The following ZBTB20 variants were observed in gnomAD, a reference collection of about 807,000 sequenced individuals.
ZBTB20 encodes zinc finger and BTB domain containing 20.
Under a neutral mutation model 56.9 loss-of-function variants are expected in ZBTB20, and 9 were observed. The ratio of observed to expected loss-of-function variants is 0.16; its 90% confidence interval spans 0.10 to 0.28. ZBTB20 has a LOEUF of 0.28. Among genes scored for constraint, ZBTB20 ranks in the 10% least tolerant of loss-of-function variants. The probability of loss-of-function intolerance (pLI) is 1.00; values close to 1 mark genes in which losing one functional copy is unlikely to be tolerated. For missense variants in ZBTB20, 655 were observed against 1,003.0 expected, an observed-to-expected ratio of 0.65 and a Z score of 4.69; for synonymous variants, 417 against 420.7, an observed-to-expected ratio of 0.99 and a Z score of 0.11.
chr3:114,800,269 T>C (rs1423133287), intron 5 of ZBTB20, among the ~76,000 whole-genome samples: 4 of 151,918 alleles, frequency 2.6e-5, no homozygotes, highest in African/African-American at 4.8e-5. Context: ...TGCTTTTCTT[T>C]TTTTTCTTCA....
chr3:115,137,817 A>G (rs745959253), intron 1 of ZBTB20, among the ~76,000 whole-genome samples: 14 of 152,132 alleles, frequency 9.2e-5, no homozygotes, highest in Non-Finnish European at 1.8e-4. Context: ...TTCCTAGAAC[A>G]GTGATTTCCA....
chr3:114,795,373 C>T (rs1356707225), intron 5 of ZBTB20, among the ~76,000 whole-genome samples: 1 of 152,098 alleles, frequency 6.6e-6, no homozygotes, highest in South Asian at 2.1e-4. Context: ...ATTAAAATTC[C>T]TCACTCTGGC....
At chr3:114,884,811 G>A (rs2076541788) in intron 4 of ZBTB20, among the ~76,000 whole-genome samples, 1 of 152,092 alleles carries the variant, frequency 6.6e-6, no homozygotes, top group Non-Finnish European at 1.5e-5. Context: ...ATACAGAAAA[G>A]GAGGAAAAGG....
At chr3:114,537,187 C>T (rs1041561514) in intron 6 of ZBTB20, among the ~76,000 whole-genome samples, 1 of 152,148 alleles carries the variant, frequency 6.6e-6, no homozygotes, top group African/African-American at 2.4e-5. Context: ...AAACTATCAT[C>T]AGAGTGAACA....
intron 7 of ZBTB20, among the ~76,000 whole-genome samples, chr3:114,437,404 A>G (rs2090593934): frequency 6.6e-6 from 1 of 152,138 alleles, no homozygotes; most frequent in Admixed American, 6.5e-5. Flanking sequence ...TTAAACTCAC[A>G]AAGACTATCT....
At chr3:115,118,507 C>T (rs1460257291) in intron 1 of ZBTB20, among the ~76,000 whole-genome samples, 1 of 151,960 alleles carries the variant, frequency 6.6e-6, no homozygotes, top group African/African-American at 2.4e-5. Context: ...CTAGGTCAAC[C>T]AGCGCACTTA....
chr3:114,709,408 T>C (rs189339371), intron 5 of ZBTB20, among the ~76,000 whole-genome samples: 34 of 152,188 alleles, frequency 2.2e-4, no homozygotes, highest in Non-Finnish European at 3.8e-4. Context: ...TTCCAAGTTA[T>C]AAAACAGAGA....
intron 6 of ZBTB20, among the ~76,000 whole-genome samples, chr3:114,610,781 C>T (rs1176989831): frequency 2.0e-5 from 3 of 152,156 alleles, no homozygotes; most frequent in South Asian, 2.1e-4. Flanking sequence ...AAAGCTTGGT[C>T]CTATCTAGAA....
intron 5 of ZBTB20, among the ~76,000 whole-genome samples, chr3:114,705,528 T>C (rs914013842): frequency 6.6e-6 from 1 of 151,964 alleles, no homozygotes; most frequent in Non-Finnish European, 1.5e-5. Context: ...AAAGGGAAAA[T>C]AGCAAAAGGA....
chr3:115,038,001 C>T (rs1051909765), intron 2 of ZBTB20, among the ~76,000 whole-genome samples: 1 of 152,174 alleles, frequency 6.6e-6, no homozygotes, highest in South Asian at 2.1e-4. Flanking sequence ...ATTATCCTTA[C>T]AATAGAAAAC....
At chr3:114,688,921 A>T (rs2062524494) in intron 6 of ZBTB20, among the ~76,000 whole-genome samples, 1 of 152,184 alleles carries the variant, frequency 6.6e-6, no homozygotes. Context: ...TTCTCTATGG[A>T]GCCTAGCATA....
At chr3:114,414,060 T>C (rs2088259692) in intron 7 of ZBTB20, among the ~76,000 whole-genome samples, 1 of 152,154 alleles carries the variant, frequency 6.6e-6, no homozygotes, top group Non-Finnish European at 1.5e-5. Flanking sequence ...TCTATGGCTT[T>C]ACATTAAAGA....
chr3:114,602,823 C>T (rs1047743900), intron 6 of ZBTB20, among the ~76,000 whole-genome samples: 63 of 152,014 alleles, frequency 4.1e-4, no homozygotes, highest in Admixed American at 3.0e-3. Context: ...ATGTCACGGA[C>T]GAATTTTCTA....
At chr3:115,067,365 C>T (rs1028293069) in intron 2 of ZBTB20, among the ~76,000 whole-genome samples, 2 of 151,848 alleles carry the variant, frequency 1.3e-5, no homozygotes, top group Non-Finnish European at 2.9e-5. Flanking sequence ...TATAGTTGAT[C>T]GAGTTAGTCA....
chr3:114,989,714 T>C (rs568368900), intron 2 of ZBTB20, among the ~76,000 whole-genome samples: 1 of 152,320 alleles, frequency 6.6e-6, no homozygotes, highest in South Asian at 2.1e-4. Context: ...TTTCATGATA[T>C]TGATTCTTCC....
intron 1 of ZBTB20, among the ~76,000 whole-genome samples, chr3:115,139,389 G>C (rs1198829673): frequency 6.6e-6 from 1 of 151,918 alleles, no homozygotes; most frequent in African/African-American, 2.4e-5. Context: ...TATCAAGTAG[G>C]TATATAGAAA....
intron 7 of ZBTB20, among the ~76,000 whole-genome samples, chr3:114,452,933 T>A (rs2091724099): frequency 7.0e-6 from 1 of 142,640 alleles, no homozygotes. Context: ...GATTTCTAAG[T>A]GACAATCAAC....
intron 5 of ZBTB20, among the ~76,000 whole-genome samples, chr3:114,763,963 T>C (rs2068609622): frequency 6.6e-6 from 1 of 152,210 alleles, no homozygotes; most frequent in South Asian, 2.1e-4. Context: ...CAGACACTTA[T>C]GAAGGAAGAC....
chr3:114,408,254 A>G (rs1028410962), intron 7 of ZBTB20, among the ~76,000 whole-genome samples: 15 of 152,322 alleles, frequency 9.8e-5, no homozygotes, highest in African/African-American at 3.6e-4. Flanking sequence ...ATTTCTGGAT[A>G]CAGAGAATTT....
Sources: allele counts gnomAD v4.1 joint callset (sites outside exome capture counted in the v4.1 genomes callset), GRCh38; gene constraint gnomAD v4.1.1; transcripts MANE v1.5; gene names NCBI Gene and HGNC (gene_info 2026-07-23, HGNC 2026-07-21).